The following BPTF variants were observed in gnomAD, a reference collection of about 807,000 sequenced individuals.
BPTF encodes the protein nucleosome-remodeling factor subunit BPTF.
In BPTF, 18 loss-of-function variants were observed where a neutral mutation model predicts 292.5. The ratio of observed to expected loss-of-function variants is 0.06; its 90% CI spans 0.04 to 0.09. The LOEUF is 0.09. BPTF is among the 10% of genes least tolerant of loss of function. BPTF has a pLI of 1.00. For synonymous variants in BPTF, 1,225 were observed against 1,251.9 expected, an observed-to-expected ratio of 0.98 and a Z score of 0.45; for missense variants, 2,726 against 3,498.7, an observed-to-expected ratio of 0.78 and a Z score of 5.57.
chr17:67,904,320 G>C (rs1378365613), intron 8 of BPTF, among the ~76,000 whole-genome samples: 1 of 152,304 alleles, frequency 6.6e-6, no homozygotes, highest in East Asian at 1.9e-4. Context: ...ATGAGCCACT[G>C]CTCCTGGCCT....
intron 9 of BPTF, among the ~76,000 whole-genome samples, chr17:67,906,166 C>T (rs1304944110): frequency 1.3e-5 from 2 of 151,948 alleles, no homozygotes; most frequent in African/African-American, 2.4e-5. Flanking sequence ...CTGCAACCTC[C>T]GCCTCCTGGG....
At chr17:67,943,284 G>A (rs1477616614) in intron 19 of BPTF, among the ~76,000 whole-genome samples, 2 of 152,168 alleles carry the variant, frequency 1.3e-5, no homozygotes, top group Admixed American at 1.3e-4. Flanking sequence ...GAGTAAATAA[G>A]TTTTGAGGGA....
intron 1 of BPTF, among the ~76,000 whole-genome samples, chr17:67,843,442 G>A (rs2057739262): frequency 6.6e-6 from 1 of 150,494 alleles, no homozygotes; most frequent in African/African-American, 2.4e-5. Flanking sequence ...CTGACCTCAA[G>A]TGATCTGCCC....
chr17:67,847,740 TACTG>T (rs1165163418), intron 1 of BPTF, among the ~76,000 whole-genome samples: 3 of 152,046 alleles, frequency 2.0e-5, no homozygotes, highest in Non-Finnish European at 4.4e-5. Flanking sequence ...TTTATATTAT[TACTG>T]ACACAGAAGA....
rs1030536540 is a variant in BPTF at position 67,922,128 on chromosome 17, C to T, written c.5558-712C>T. Among the ~76,000 whole-genome samples the T allele has an allele frequency of 5.3e-5, 8 of 152,274 alleles. 1 individual carries two copies. The highest frequency in any genetic ancestry group is 3.3e-4 in the Admixed American group (5 of 15,288). ...GAGATGTACCTGGCAGGCCTTCAGTCTCCTTGACCCCACAGCCTTTGATGC... is the reference window on the plus strand; with the variant it reads ...GAGATGTACCTGGCAGGCCTTCAGTTTCCTTGACCCCACAGCCTTTGATGC... On this transcript the variant is annotated intron_variant, in intron 13 of 27. Coordinates refer to ENST00000306378, the MANE Select transcript of BPTF (RefSeq NM_182641.4).
At chr17:67,864,649 T>C (rs1484105329) in intron 2 of BPTF, among the ~76,000 whole-genome samples, 1 of 152,194 alleles carries the variant, frequency 6.6e-6, no homozygotes, top group Non-Finnish European at 1.5e-5. Flanking sequence ...TATGCTTTAA[T>C]GAATTTTTCT....
chr17:67,835,745 G>A (rs957611361), intron 1 of BPTF, among the ~76,000 whole-genome samples: 1 of 150,790 alleles, frequency 6.6e-6, no homozygotes, highest in Non-Finnish European at 1.5e-5. Context: ...GGCTCACTGT[G>A]AGCTCTGCCT....
In BPTF at chr17:67,854,811, G is replaced by T; in HGVS notation, c.1436+49G>T. The T allele has an allele frequency of 7.3e-7, 1 of 1,361,598 alleles. No individual in the cohort carries two copies. Among genetic ancestry groups the T allele is most frequent in the Non-Finnish European group, 1.0e-6 (1 of 976,132 alleles). The allele number at this position is 1,361,598 out of a possible 1,614,324, so 84.3% of individuals were successfully genotyped here. Reference sequence around the variant, plus strand: ...TTTGTATGCATTTAAAATTAGACTAGTTTCCTTCGTGATTGATGTAGCAGA... The same window carrying T: ...TTTGTATGCATTTAAAATTAGACTATTTTCCTTCGTGATTGATGTAGCAGA... On this transcript the variant is annotated intron_variant, in intron 2 of 27. Transcript: ENST00000306378. This position sits in a 1 kb window ranked among gnomAD's most constrained non-coding sequence, Gnocchi z 5.6.
intron 1 of BPTF, among the ~76,000 whole-genome samples, chr17:67,838,474 T>TAC (rs983413438): frequency 6.6e-6 from 1 of 152,202 alleles, no homozygotes; most frequent in African/African-American, 2.4e-5. Flanking sequence ...TAAACATGTG[T>TAC]ATGTACATAC....
Position 67,964,816 on chromosome 17 carries a change from G to A in BPTF, c.8454+412G>A, listed in dbSNP as rs144159017. 1.2e-3 allele frequency among the ~76,000 whole-genome samples: 179 copies of A among 151,620 alleles called. 3 individuals are homozygous for A. The East Asian group carries it at 0.022, about 19-fold the overall frequency. Reference sequence around the variant, plus strand: ...GAGATCAGACCATCCTGGCTAACACGGTGAAACCCCGTCTCTACTAAAAAT... The same window carrying A: ...GAGATCAGACCATCCTGGCTAACACAGTGAAACCCCGTCTCTACTAAAAAT... On this transcript the variant is annotated intron_variant, in intron 25 of 27. Coordinates refer to ENST00000306378, the MANE Select transcript of BPTF (RefSeq NM_182641.4).
chr17:67,873,619 A>G (rs1299944429), intron 3 of BPTF, among the ~76,000 whole-genome samples: 1 of 152,212 alleles, frequency 6.6e-6, no homozygotes, highest in Non-Finnish European at 1.5e-5. Flanking sequence ...TGTTATAGAT[A>G]ATGTGAGCCA....
At chr17:67,929,008 G>A (rs1186199481) in intron 16 of BPTF, 10 of 1,207,106 alleles carry the variant, frequency 8.3e-6, no homozygotes, top group Non-Finnish European at 9.3e-6. Context: ...GCACAGGTCA[G>A]ACGTTCCAAA....
At chr17:67,926,378 G>T (rs1458633558) in intron 15 of BPTF, among the ~76,000 whole-genome samples, 4 of 137,014 alleles carry the variant, frequency 2.9e-5, no homozygotes, top group Non-Finnish European at 6.1e-5. Context: ...AGGCTGGAGT[G>T]CAGTGGCGCG....
chr17:67,914,295 T>C (rs1026609699), intron 11 of BPTF, among the ~76,000 whole-genome samples: 21 of 152,240 alleles, frequency 1.4e-4, no homozygotes, highest in Admixed American at 2.0e-4. Flanking sequence ...AAGGAATTCA[T>C]TTATTAATAC....
intron 1 of BPTF, among the ~76,000 whole-genome samples, chr17:67,852,254 T>A (rs1299680175): frequency 1.3e-5 from 2 of 152,134 alleles, no homozygotes; most frequent in Non-Finnish European, 2.9e-5. Context: ...TTAATATTTT[T>A]ATATTTTTAT....
chr17:67,957,300 A>T (rs117759125), intron 23 of BPTF: 7,341 of 152,276 alleles, frequency 0.048, 233 homozygotes, highest in South Asian at 0.13. Context: ...ATAAAAAAAT[A>T]AAAAAAATAA....
chr17:67,887,722 A>G (rs1356885575), intron 4 of BPTF, among the ~76,000 whole-genome samples: 2 of 152,228 alleles, frequency 1.3e-5, no homozygotes, highest in African/African-American at 4.8e-5. Context: ...CATCAGGTAT[A>G]ACTGGACCCT....
At chr17:67,928,169 CCA>C (rs2064076330) in intron 15 of BPTF, among the ~76,000 whole-genome samples, 184 bp from the exon 16 acceptor site, 1 of 152,052 alleles carries the variant, frequency 6.6e-6, no homozygotes, top group Non-Finnish European at 1.5e-5. Flanking sequence ...CAGGTGTGAG[CCA>C]CCGCAGCCAG....
chr17:67,900,324 C>G (rs887460280), intron 7 of BPTF, among the ~76,000 whole-genome samples: 4 of 151,876 alleles, frequency 2.6e-5, no homozygotes, highest in Non-Finnish European at 5.9e-5. Flanking sequence ...AGGCTGGTCT[C>G]GAACTCCTGT....
Sources: allele counts gnomAD v4.1 joint callset (sites outside exome capture counted in the v4.1 genomes callset), GRCh38; gene constraint gnomAD v4.1.1; non-coding constraint Gnocchi (gnomAD v3.1); transcripts MANE v1.5; gene names NCBI Gene and HGNC (gene_info 2026-07-23, HGNC 2026-07-21).